Variants in PHF2 observed in about 807,000 individuals in gnomAD.
PHF2 encodes lysine-specific demethylase PHF2.
Under a neutral mutation model 120.5 loss-of-function variants are expected in PHF2, and 27 were observed. That is an observed-to-expected ratio of 0.22 (90% confidence interval 0.17 to 0.31). The LOEUF (loss-of-function observed/expected upper bound fraction) is 0.31, where lower values mean the gene tolerates loss of function less well. Ranked by LOEUF, PHF2 falls within the 10% of genes least tolerant of loss-of-function variation. The pLI, the probability that PHF2 is intolerant of heterozygous loss-of-function variation, is 1.00. For missense variants in PHF2, 1,024 were observed against 1,434.8 expected (o/e 0.71, Z 4.63); for synonymous variants, 568 against 592.5 (o/e 0.96, Z 0.60).
At chr9:93,611,153 C>CGTTG (rs1011585745) in intron 1 of PHF2, among the ~76,000 whole-genome samples, 72 of 152,190 alleles carry the variant, frequency 4.7e-4, no homozygotes, top group African/African-American at 1.7e-3. Flanking sequence ...GGTGGCTCAA[C>CGTTG]GCCTGTAATC....
chr9:93,644,387 CAA>C (rs528111542), intron 3 of PHF2, among the ~76,000 whole-genome samples: 20 of 119,696 alleles, frequency 1.7e-4, no homozygotes, highest in South Asian at 2.9e-4. Flanking sequence ...AACTCCATCT[CAA>C]AAAAAAAAAA....
chr9:93,590,018 T>C (rs538136081), intron 1 of PHF2, among the ~76,000 whole-genome samples: 1 of 152,368 alleles, frequency 6.6e-6, no homozygotes, highest in South Asian at 2.1e-4. Flanking sequence ...TCCCTGGCTA[T>C]CCTGGTCTGT....
At chr9:93,626,239 A>G (rs940038448) in intron 1 of PHF2, among the ~76,000 whole-genome samples, 2 of 152,162 alleles carry the variant, frequency 1.3e-5, no homozygotes, top group African/African-American at 4.8e-5. Context: ...GCAAGACTCC[A>G]TCTCAAAAAC....
At chr9:93,618,206 A>C (rs1825757839) in intron 1 of PHF2, among the ~76,000 whole-genome samples, 1 of 152,266 alleles carries the variant, frequency 6.6e-6, no homozygotes, top group Non-Finnish European at 1.5e-5. Context: ...GCATGGCCTC[A>C]TCTGGTTGGC....
intron 1 of PHF2, among the ~76,000 whole-genome samples, chr9:93,611,315 T>C (rs894015372): frequency 6.6e-6 from 1 of 151,570 alleles, no homozygotes; most frequent in African/African-American, 2.4e-5. Context: ...CTCAGGAGCC[T>C]GAGGCAGAAG....
chr9:93,659,288 G>A (rs1027762147), intron 10 of PHF2, among the ~76,000 whole-genome samples: 3 of 152,240 alleles, frequency 2.0e-5, no homozygotes, highest in African/African-American at 7.2e-5. Context: ...GCCTGCTGGT[G>A]GTGGCCTCAG....
intron 12 of PHF2, 134 bp downstream of exon 12, chr9:93,660,694 T>C: frequency 1.2e-6 from 1 of 817,754 alleles, no homozygotes; most frequent in Non-Finnish European, 1.8e-6. Context: ...TGTGGGGGTC[T>C]GGGCTCTTGC....
At position 93,617,770 on chromosome 9, in the gene PHF2, C is replaced by T. The variant is rs369050667; in HGVS notation, c.99-12200C>T. ...ACTGAAGAATGTGGAGTCCAGTGTTCGAGGGCAGGAAGGATCCAGCACGGG... is the reference window on the plus strand; with the variant it reads ...ACTGAAGAATGTGGAGTCCAGTGTTTGAGGGCAGGAAGGATCCAGCACGGG... On this transcript the variant is annotated intron_variant, in intron 1 of 21. Coordinates refer to ENST00000359246, the MANE Select transcript of PHF2 (RefSeq NM_005392.4). Among the ~76,000 whole-genome samples, 226 of 152,262 alleles carry T rather than the reference C, an allele frequency of 1.5e-3. 1 individual carries two copies. Among genetic ancestry groups the T allele is most frequent in the African/African-American group, 4.9e-3 (202 of 41,528 alleles).
intron 1 of PHF2, among the ~76,000 whole-genome samples, chr9:93,614,967 A>T (rs1276443580): frequency 6.9e-6 from 1 of 145,778 alleles, no homozygotes; most frequent in Non-Finnish European, 1.5e-5. Context: ...TAGTGATGAT[A>T]GTGATGACGG....
intron 4 of PHF2, among the ~76,000 whole-genome samples, chr9:93,646,302 A>G (rs1240719334): frequency 6.6e-6 from 1 of 152,212 alleles, no homozygotes; most frequent in Admixed American, 6.5e-5. Context: ...TACTGGGGTT[A>G]GGTGGGCACT....
intron 1 of PHF2, among the ~76,000 whole-genome samples, chr9:93,593,248 C>T (rs941537586): frequency 6.6e-6 from 1 of 152,056 alleles, no homozygotes; most frequent in African/African-American, 2.4e-5. Context: ...GAGGGCTGCA[C>T]CCCCTGGACC....
chr9:93,635,518 C>T (rs1826075457), intron 2 of PHF2, among the ~76,000 whole-genome samples: 1 of 152,238 alleles, frequency 6.6e-6, no homozygotes, highest in African/African-American at 2.4e-5. Context: ...CCCCAGTGGC[C>T]TCCCTTACCC....
intron 3 of PHF2, 151 bp downstream of exon 3, chr9:93,636,676 G>A: frequency 1.5e-6 from 1 of 647,550 alleles, no homozygotes; most frequent in Non-Finnish European, 2.7e-6. Flanking sequence ...AGGCAGCATA[G>A]CCTGCACCAG....
chr9:93,596,747 GTTTTTTTT>G (rs34293739), intron 1 of PHF2, among the ~76,000 whole-genome samples: 1 of 144,236 alleles, frequency 6.9e-6, no homozygotes, highest in Non-Finnish European at 1.5e-5. Context: ...TGTTTCTGCC[GTTTTTTTT>G]TTTTGTTTTT....
intron 17 of PHF2, among the ~76,000 whole-genome samples, chr9:93,673,086 G>A (rs1485760513): frequency 1.3e-5 from 2 of 151,876 alleles, no homozygotes; most frequent in Admixed American, 6.6e-5. Context: ...AGTGGGCTAC[G>A]CTGCCCCATC....
At chr9:93,659,173 GGCCCAGGGCA>G (rs1375382652) in intron 10 of PHF2, among the ~76,000 whole-genome samples, 1 of 152,234 alleles carries the variant, frequency 6.6e-6, no homozygotes, top group Admixed American at 6.5e-5. Context: ...CAGGCCTCAA[GGCCCAGGGCA>G]GTCCAGGGCG....
In PHF2 at chr9:93,676,820, G is replaced by C. The variant is rs201835809; in HGVS notation, c.3059G>C (p.Ser1020Thr). 1.9e-6 allele frequency: 3 copies of C among 1,556,298 alleles called. No homozygotes were observed. In the Admixed American group the frequency reaches 5.8e-5, roughly 30 times the overall value. Reference protein sequence around the residue: ...PEPPPESHSSSLADHEYTAAG... With the variant: ...PEPPPESHSSTLADHEYTAAG... ...CCCCCGCCTGAGTCGCATAGCAGCA[G>C]CCTGGCGGACCATGAGTACACAGCC... The change falls in exon 21 of 22, where the codon AGC (serine) becomes ACC (threonine). Residue 1020 changes from serine to threonine, a missense_variant. Around this residue, in one of 2 missense-constraint regions of PHF2, gnomAD observed 677 missense variants for 857.4 expected, o/e 0.79. Transcript: ENST00000359246.
At chr9:93,629,411 G>A (rs566190966) in intron 1 of PHF2, among the ~76,000 whole-genome samples, 4 of 152,242 alleles carry the variant, frequency 2.6e-5, no homozygotes, top group African/African-American at 7.2e-5. Context: ...GTTTGCAAGG[G>A]GTCTGGAGGA....
chr9:93,668,605 G>A lies in PHF2; in HGVS notation c.2348+1365G>A, dbSNP rs558513560. On this transcript the variant is annotated intron_variant, in intron 17 of 21. Transcript: ENST00000359246. ...TTGTGGGCACCTGGGACTTGCAGGG[G>A]GAGTGGAGATGGGGACAGAGGTGGG... Among the ~76,000 whole-genome samples the A allele has an allele frequency of 5.3e-5, 8 of 152,304 alleles. No homozygotes were observed. The South Asian group carries it at 1.7e-3, about 32-fold the overall frequency.
Sources: gnomAD v4.1 joint callset for allele counts (sites outside exome capture counted in the v4.1 genomes callset) on GRCh38, gnomAD v4.1.1 for gene constraint, gnomAD v4.1.1 regional missense constraint, MANE v1.5 for transcripts, NCBI Gene and HGNC (gene_info 2026-07-23, HGNC 2026-07-21) for gene names.